PGM5: variants seen among roughly 807,000 people sequenced by gnomAD.
The protein encoded by PGM5 is phosphoglucomutase-like protein 5.
PGM5 carries 23 observed loss-of-function variants against 59.2 expected under a neutral mutation model. The observed-to-expected ratio is 0.39, with a 90% CI of 0.28 to 0.55. The LOEUF (loss-of-function observed/expected upper bound fraction) is 0.55, where lower values mean the gene tolerates loss of function less well. PGM5 is among the 20% of genes least tolerant of loss of function. The pLI is 0.66. For missense variants in PGM5, 574 were observed against 748.3 expected, an observed-to-expected ratio of 0.77 and a Z score of 2.72; for synonymous variants, 214 against 286.0, an observed-to-expected ratio of 0.75 and a Z score of 2.54.
chr9:68,473,092 C>G (rs532449417), intron 7 of PGM5, among the ~76,000 whole-genome samples: 1 of 152,246 alleles, frequency 6.6e-6, no homozygotes, highest in Non-Finnish European at 1.5e-5. Flanking sequence ...ATCTATCTAT[C>G]AGTCTACCGA....
chr9:68,465,213 G>T lies in PGM5; in HGVS notation c.1159+5G>T. ...GGGAAGAGAGCTTTGGCACTGGTAG[G>T]CTTTGTTGGGTTGATATTACTGGGG... On this transcript the variant is annotated splice_donor_5th_base_variant and intron_variant, in intron 7 of 10. Coordinates refer to ENST00000396396, the MANE Select transcript of PGM5 (RefSeq NM_021965.4). The T allele has an allele frequency of 6.3e-7, 1 of 1,579,676 alleles. No homozygotes were observed. The highest frequency in any genetic ancestry group is 1.1e-5 in the South Asian group (1 of 90,166).
intron 1 of PGM5, among the ~76,000 whole-genome samples, chr9:68,358,321 C>T (rs1228075693): frequency 6.6e-6 from 1 of 152,142 alleles, no homozygotes; most frequent in African/African-American, 2.4e-5. Context: ...GTTTTTCTCC[C>T]TCTGCCCCTT....
chr9:68,370,957 C>T (rs1421106836), intron 1 of PGM5, among the ~76,000 whole-genome samples: 1 of 152,036 alleles, frequency 6.6e-6, no homozygotes, highest in Non-Finnish European at 1.5e-5. Flanking sequence ...ATGCATATGC[C>T]TCACAGATGT....
rs151136481 is a variant in PGM5 at position 68,378,956 on chromosome 9, C to T, written c.424+595C>T. Among the ~76,000 whole-genome samples the T allele has an allele frequency of 4.6e-3, 706 of 152,098 alleles. 6 individuals carry two copies. Among genetic ancestry groups the T allele is most frequent in the South Asian group, 0.013 (65 of 4,826 alleles). On this transcript the variant is annotated intron_variant, in intron 2 of 10. Transcript: ENST00000396396. The stretch of plus-strand genomic sequence containing the variant: ...AATAGGGAGAATAAGAAATAGATAA[C>T]ATGTACCCATTATCTTGTTTTTCTA...
intron 10 of PGM5, among the ~76,000 whole-genome samples, chr9:68,518,291 G>A (rs919986712): frequency 6.6e-6 from 1 of 152,140 alleles, no homozygotes; most frequent in African/African-American, 2.4e-5. Context: ...TCTCATGAAA[G>A]GAAATGAAGG....
At chr9:68,450,334 C>T (rs1423945534) in intron 6 of PGM5, among the ~76,000 whole-genome samples, 2 of 152,154 alleles carry the variant, frequency 1.3e-5, no homozygotes, top group Non-Finnish European at 2.9e-5. Context: ...AGACCTGTAA[C>T]CCAGAATATT....
chr9:68,434,288 GC>G (rs1338310788), intron 6 of PGM5, among the ~76,000 whole-genome samples: 1 of 125,976 alleles, frequency 7.9e-6, no homozygotes, highest in Non-Finnish European at 1.6e-5. Context: ...CTGCAGTCCA[GC>G]CTGGGCAACA....
chr9:68,523,172 G>T (rs771139191), intron 10 of PGM5, among the ~76,000 whole-genome samples: 1 of 152,194 alleles, frequency 6.6e-6, no homozygotes, highest in African/African-American at 2.4e-5. Flanking sequence ...GCCACTTCTG[G>T]TCCAATCAGC....
intron 10 of PGM5, among the ~76,000 whole-genome samples, chr9:68,500,113 A>AT (rs11371564): frequency 0.47 from 70,934 of 151,750 alleles, 17,118 homozygotes; most frequent in South Asian, 0.54. Context: ...TGATAAGATG[A>AT]TTTTTTCAGA....
chr9:68,521,540 G>T (rs984715601), intron 10 of PGM5, among the ~76,000 whole-genome samples: 5 of 152,184 alleles, frequency 3.3e-5, no homozygotes, highest in African/African-American at 1.2e-4. Context: ...AGGCAGAGGA[G>T]ATCCTAATTT....
chr9:68,479,469 T>C lies in PGM5; in HGVS notation c.1211T>C (p.Leu404Pro). Reference sequence around the variant, plus strand: ...GGCCTGTGGGCTGTCTTGGTCTGGCTCTCCATTATTGCTGCCCGGAAGCAG... The same window carrying C: ...GGCCTGTGGGCTGTCTTGGTCTGGCCCTCCATTATTGCTGCCCGGAAGCAG... ...KDGLWAVLVW[L>P]SIIAARKQSV... Residue 404 changes from leucine to proline, a missense_variant, in exon 8 of 11, where the codon CTC (leucine) becomes CCC (proline). By Grantham distance (98) the Leu-to-Pro change is moderately conservative. Around this residue, in one of 7 missense-constraint regions of PGM5, gnomAD observed 300 missense variants for 280.0 expected, o/e 1.07. Transcript: ENST00000396396. 6.2e-7 allele frequency: 1 copy of C among 1,613,818 alleles called. No homozygotes were observed. Among genetic ancestry groups the C allele is most frequent in the Non-Finnish European group, 8.5e-7 (1 of 1,179,964 alleles).
intron 10 of PGM5, among the ~76,000 whole-genome samples, chr9:68,511,973 A>G (rs1393892554): frequency 6.6e-6 from 1 of 152,190 alleles, no homozygotes; most frequent in African/African-American, 2.4e-5. Context: ...CTCTCATGAC[A>G]TGGCATTTTA....
chr9:68,450,957 G>A (rs1292129105), intron 6 of PGM5, among the ~76,000 whole-genome samples: 1 of 152,206 alleles, frequency 6.6e-6, no homozygotes, highest in Non-Finnish European at 1.5e-5. Flanking sequence ...AACAAGATAT[G>A]CAGAATATTG....
chr9:68,418,787 G>C (rs1453301961), intron 6 of PGM5, among the ~76,000 whole-genome samples: 1 of 152,046 alleles, frequency 6.6e-6, no homozygotes, highest in Non-Finnish European at 1.5e-5. Context: ...TCCTTCTCCT[G>C]GGAACCCCTG....
chr9:68,362,286 C>A (rs1256100864), intron 1 of PGM5, among the ~76,000 whole-genome samples: 2 of 152,112 alleles, frequency 1.3e-5, no homozygotes, highest in African/African-American at 4.8e-5. Context: ...TAACTACCTC[C>A]ACAGGTGACA....
chr9:68,510,332 T>C (rs1252458459), intron 10 of PGM5, among the ~76,000 whole-genome samples: 2 of 151,952 alleles, frequency 1.3e-5, no homozygotes, highest in Non-Finnish European at 2.9e-5. Context: ...TTTGTATTTT[T>C]AGTAGAGATG....
chr9:68,416,103 G>T (rs1466310862), intron 6 of PGM5, among the ~76,000 whole-genome samples: 1 of 152,168 alleles, frequency 6.6e-6, no homozygotes, highest in Non-Finnish European at 1.5e-5. Context: ...CTCATGAGAA[G>T]ATGTAGAGTG....
intron 6 of PGM5, among the ~76,000 whole-genome samples, chr9:68,457,178 T>G (rs1457388452): frequency 6.6e-6 from 1 of 152,216 alleles, no homozygotes; most frequent in Non-Finnish European, 1.5e-5. Context: ...TTTTTTAGTG[T>G]CTTTGACAAA....
chr9:68,453,721 A>C (rs1823731693), intron 6 of PGM5, among the ~76,000 whole-genome samples: 1 of 152,138 alleles, frequency 6.6e-6, no homozygotes, highest in African/African-American at 2.4e-5. Flanking sequence ...CTTTATATTA[A>C]TGTAGGAGGA....
Sources: allele counts gnomAD v4.1 joint callset (sites outside exome capture counted in the v4.1 genomes callset), GRCh38; gene constraint gnomAD v4.1.1; regional missense constraint gnomAD v4.1.1; transcripts MANE v1.5; gene names NCBI Gene and HGNC (gene_info 2026-07-23, HGNC 2026-07-21).